LIFR: variants seen among roughly 807,000 people sequenced by gnomAD.
LIFR encodes leukemia inhibitory factor receptor.
A neutral mutation model predicts 122.2 loss-of-function variants in LIFR; 84 were observed. The ratio of observed to expected loss-of-function variants is 0.69; its 90% CI spans 0.58 to 0.82. The LOEUF is 0.82. Ranked by LOEUF, LIFR falls within the 40% of genes least tolerant of loss-of-function variation. The probability of loss-of-function intolerance (pLI) is 0.00; values close to 1 mark genes in which losing one functional copy is unlikely to be tolerated. For missense variants in LIFR, 1,294 were observed against 1,311.6 expected, an observed-to-expected ratio of 0.99 and a Z score of 0.21; for synonymous variants, 422 against 434.7, an observed-to-expected ratio of 0.97 and a Z score of 0.36.
At chr5:38,560,437 T>C (rs888839900), upstream of LIFR, among the ~76,000 whole-genome samples, 2 of 152,140 alleles carry the variant, frequency 1.3e-5, no homozygotes, top group Non-Finnish European at 1.5e-5. Flanking sequence ...ATGAAAAATA[T>C]GACAAAGACC....
At chr5:38,564,720 T>C (rs1327056692) in intron 1 of LIFR, among the ~76,000 whole-genome samples, 2 of 145,912 alleles carry the variant, frequency 1.4e-5, no homozygotes, top group Non-Finnish European at 3.0e-5. Flanking sequence ...ACACAATATA[T>C]ATATACACAC....
At chr5:38,488,076 T>C (rs1290812710) in intron 16 of LIFR, among the ~76,000 whole-genome samples, 3 of 152,228 alleles carry the variant, frequency 2.0e-5, no homozygotes, top group African/African-American at 7.2e-5. Flanking sequence ...GTGACCCATC[T>C]ACCATGTCTC....
chr5:38,502,697 C>T lies in LIFR; in HGVS notation c.1540G>A (p.Glu514Lys), dbSNP rs755031454. 6.2e-7 allele frequency: 1 copy of T among 1,613,470 alleles called. No individual in the cohort carries two copies. Residue 514 changes from glutamate (E) to lysine (K), a missense_variant, in exon 11 of 20, where the codon GAA (glutamate) becomes AAA (lysine). By Grantham distance (56) the Glu-to-Lys change is moderately conservative. Coordinates refer to ENST00000453190, the MANE Select transcript of LIFR (RefSeq NM_001127671.2). ...CATTTGCTCCATTTCCAGAAAGTTTCAGTAGAACAACGAATCCGAAAAGTA... is the reference window on the plus strand; with the variant it reads ...CATTTGCTCCATTTCCAGAAAGTTTTAGTAGAACAACGAATCCGAAAAGTA... The part of the protein sequence containing the change: ...LYTFRIRCST[E>K]TFWKWSKWSN...
At chr5:38,541,381 C>G (rs75996640) in intron 1 of LIFR, among the ~76,000 whole-genome samples, 4,668 of 152,274 alleles carry the variant, frequency 0.031, 277 homozygotes, top group African/African-American at 0.11. Flanking sequence ...GACCCATGCA[C>G]GTCAGCCCAT....
At chr5:38,530,859 T>G (rs1049155017) in intron 1 of LIFR, 193 bp from the exon 2 acceptor site, 2 of 556,610 alleles carry the variant, frequency 3.6e-6, no homozygotes, top group African/African-American at 1.9e-5. Flanking sequence ...TTGCTTTAGG[T>G]ATCTACTACG....
chr5:38,547,887 T>C (rs1747984419), intron 1 of LIFR, among the ~76,000 whole-genome samples: 1 of 152,182 alleles, frequency 6.6e-6, no homozygotes, highest in Non-Finnish European at 1.5e-5. Context: ...TACTGAATAC[T>C]GAAGGCAACT....
At chr5:38,508,428 T>C (rs1419232641) in intron 7 of LIFR, among the ~76,000 whole-genome samples, 2 of 152,194 alleles carry the variant, frequency 1.3e-5, no homozygotes, top group African/African-American at 2.4e-5. Context: ...GTTTGGGAGA[T>C]ACAAATATTG....
intron 1 of LIFR, chr5:38,607,518 CTCTCT>C (rs1458462716): frequency 1.6e-5 from 1 of 63,782 alleles, no homozygotes; most frequent in East Asian, 3.0e-4. Flanking sequence ...TATGCACTCT[CTCTCT>C]CTCTCTCTCT....
intron 1 of LIFR, among the ~76,000 whole-genome samples, chr5:38,571,691 T>C (rs1749219035): frequency 1.3e-5 from 2 of 152,222 alleles, no homozygotes; most frequent in South Asian, 4.1e-4. Flanking sequence ...GCAGGCATTA[T>C]GTTTCTATGA....
intron 1 of LIFR, among the ~76,000 whole-genome samples, chr5:38,532,430 C>T (rs971408305): frequency 1.3e-5 from 2 of 152,138 alleles, no homozygotes; most frequent in Non-Finnish European, 2.9e-5. Flanking sequence ...CTTCCCAAAG[C>T]GAAGCTGTAA....
At chr5:38,593,722 T>C (rs1750006571) in intron 1 of LIFR, among the ~76,000 whole-genome samples, 1 of 152,132 alleles carries the variant, frequency 6.6e-6, no homozygotes, top group Non-Finnish European at 1.5e-5. Context: ...AGTGATTAGA[T>C]TGTGAGGGTA....
At chr5:38,551,307 CTCGGGTG>C (rs934470741) in intron 1 of LIFR, among the ~76,000 whole-genome samples, 23 of 152,164 alleles carry the variant, frequency 1.5e-4, no homozygotes, top group African/African-American at 4.8e-4. Flanking sequence ...TACTGTGGCA[CTCGGGTG>C]TCCTCAGGGG....
At chr5:38,599,985 A>G (rs919833208), upstream of LIFR, among the ~76,000 whole-genome samples, 2 of 152,128 alleles carry the variant, frequency 1.3e-5, no homozygotes, top group African/African-American at 4.8e-5. Flanking sequence ...GTCTGATAAG[A>G]AACATTTTTA....
intron 1 of LIFR, 76 bp from the exon 2 acceptor site, chr5:38,530,742 C>G: frequency 1.6e-6 from 2 of 1,225,468 alleles, no homozygotes; most frequent in African/African-American, 3.0e-5. Flanking sequence ...CACAAACACT[C>G]AAATAGATTC....
intron 4 of LIFR, among the ~76,000 whole-genome samples, chr5:38,525,386 A>C (rs1014551060): frequency 2.6e-5 from 4 of 152,206 alleles, no homozygotes; most frequent in African/African-American, 9.6e-5. Context: ...ACATATAGTC[A>C]TGGTAAGCCC....
At chr5:38,558,231 G>A (rs1451500352), upstream of LIFR, 2 of 152,008 alleles carry the variant, frequency 1.3e-5, no homozygotes, top group Non-Finnish European at 2.9e-5. Context: ...TGGAGTAAGG[G>A]GCTCAACGAA....
chr5:38,602,369 C>A (rs1454814664), intron 2 of LIFR, among the ~76,000 whole-genome samples: 1 of 152,210 alleles, frequency 6.6e-6, no homozygotes, highest in East Asian at 1.9e-4. Flanking sequence ...ATTGACCATG[C>A]TGTTTCACAA....
chr5:38,541,062 A>G (rs530754120), intron 1 of LIFR, among the ~76,000 whole-genome samples: 14 of 152,292 alleles, frequency 9.2e-5, no homozygotes, highest in Admixed American at 5.2e-4. Context: ...ATTTAACCCC[A>G]GATATCAAAA....
intron 1 of LIFR, among the ~76,000 whole-genome samples, chr5:38,575,657 G>C (rs1749362087): frequency 6.6e-6 from 1 of 152,158 alleles, no homozygotes; most frequent in Non-Finnish European, 1.5e-5. Context: ...GGCAGCTGTG[G>C]TTTGGGGCAC....
Sources: gnomAD v4.1 joint callset for allele counts (sites outside exome capture counted in the v4.1 genomes callset) on GRCh38, gnomAD v4.1.1 for gene constraint, MANE v1.5 for transcripts, NCBI Gene and HGNC (gene_info 2026-07-23, HGNC 2026-07-21) for gene names.